The following SLC25A42 variants were observed in gnomAD, a reference collection of about 807,000 sequenced individuals.
SLC25A42 encodes mitochondrial coenzyme A transporter SLC25A42.
Under a neutral mutation model 34.7 loss-of-function variants are expected in SLC25A42, and 19 were observed. That is an observed-to-expected ratio of 0.55 (90% confidence interval 0.38 to 0.80). The LOEUF is 0.80. Ranked by LOEUF, SLC25A42 falls within the 30% of genes least tolerant of loss-of-function variation. The probability of loss-of-function intolerance (pLI) is 0.00; values close to 1 mark genes in which losing one functional copy is unlikely to be tolerated. For missense variants in SLC25A42, 364 were observed against 441.3 expected, an observed-to-expected ratio of 0.82 and a Z score of 1.57; for synonymous variants, 205 against 191.2, an observed-to-expected ratio of 1.07 and a Z score of -0.59.
At chr19:19,086,665 T>C (rs1456454151) in intron 1 of SLC25A42, among the ~76,000 whole-genome samples, 2 of 151,700 alleles carry the variant, frequency 1.3e-5, no homozygotes, top group Non-Finnish European at 2.9e-5. Context: ...TTTTGAGACA[T>C]AGTCTTGCTC....
Position 19,109,409 on chromosome 19 carries a change from G to C in SLC25A42, c.650-1160G>C, listed in dbSNP as rs577183487. Among the ~76,000 whole-genome samples the C allele has an allele frequency of 6.6e-6, 1 of 152,304 alleles. No individual in the cohort carries two copies. Among genetic ancestry groups the C allele is most frequent in the Non-Finnish European group, 1.5e-5 (1 of 68,022 alleles). On this transcript the variant is annotated intron_variant, in intron 7 of 7. Coordinates refer to ENST00000318596, the MANE Select transcript of SLC25A42 (RefSeq NM_178526.5). The surrounding 1 kb of genome is among the most constrained non-coding windows in gnomAD (Gnocchi z 4.1). Reference sequence around the variant, plus strand: ...TCAGACCCCTTGTTTTTGCCCACCTGGTGAGCAGATCACAGTGTCTCCTGT... The same window carrying C: ...TCAGACCCCTTGTTTTTGCCCACCTCGTGAGCAGATCACAGTGTCTCCTGT...
In SLC25A42 at chr19:19,109,720, A is replaced by G. The variant is rs2059852551; in HGVS notation, c.650-849A>G. On this transcript the variant is annotated intron_variant, in intron 7 of 7. Transcript: ENST00000318596. The surrounding 1 kb of genome is among the most constrained non-coding windows in gnomAD (Gnocchi z 4.1). ...AGTGCTGAGATTACAGGCGTGAGTC[A>G]CTGCACCCAGCCTTGGCTGTTTTAA... 6.6e-6 allele frequency among the ~76,000 whole-genome samples: 1 copy of G among 152,182 alleles called. No homozygotes were observed. Among genetic ancestry groups the G allele is most frequent in the Admixed American group, 6.5e-5 (1 of 15,268 alleles).
intron 1 of SLC25A42, among the ~76,000 whole-genome samples, chr19:19,077,047 G>T (rs946442849): frequency 1.3e-5 from 2 of 152,142 alleles, no homozygotes; most frequent in African/African-American, 4.8e-5. Context: ...AGCTGCGCAT[G>T]GTGGCCCACA....
At chr19:19,102,260 C>T (rs919983053) in intron 3 of SLC25A42, among the ~76,000 whole-genome samples, 10 of 151,884 alleles carry the variant, frequency 6.6e-5, no homozygotes, top group Non-Finnish European at 1.0e-4. Flanking sequence ...CCGCCCGCCT[C>T]GGCCTCCCAA....
At chr19:19,084,390 A>G (rs2059696700) in intron 1 of SLC25A42, among the ~76,000 whole-genome samples, 1 of 152,138 alleles carries the variant, frequency 6.6e-6, no homozygotes, top group Non-Finnish European at 1.5e-5. Flanking sequence ...TTCCCTCCCC[A>G]AACCCGCTTC....
intron 1 of SLC25A42, among the ~76,000 whole-genome samples, chr19:19,092,066 T>C (rs2059740867): frequency 6.6e-6 from 1 of 152,134 alleles, no homozygotes; most frequent in African/African-American, 2.4e-5. Flanking sequence ...TCTTGTGCTG[T>C]GGGATCATGC....
At chr19:19,075,633 C>T (rs1398767453) in intron 1 of SLC25A42, among the ~76,000 whole-genome samples, 1 of 152,190 alleles carries the variant, frequency 6.6e-6, no homozygotes, top group East Asian at 1.9e-4. Flanking sequence ...GTACCTACCC[C>T]AGCACAGCAT....
intron 2 of SLC25A42, among the ~76,000 whole-genome samples, chr19:19,098,392 G>C (rs1321746585): frequency 2.6e-5 from 4 of 152,208 alleles, no homozygotes; most frequent in Non-Finnish European, 2.9e-5. Context: ...GAACCCAGGA[G>C]TTTGAGAACA....
chr19:19,105,866 A>G lies in SLC25A42; in HGVS notation c.380+139A>G, dbSNP rs1030620937. ...CCTCTTCCCACAACGAAACACTGGG[A>G]GACTCCTCACCCAGGCCCTCCTGAG... On this transcript the variant is annotated intron_variant, in intron 5 of 7. Transcript: ENST00000318596. The G allele has an allele frequency of 1.9e-5, 14 of 743,958 alleles. No individual in the cohort carries two copies. The African/African-American group carries it at 2.5e-4, about 14-fold the overall frequency. 46.1% of individuals were successfully genotyped at this position (743,958 alleles called of 1,614,324 possible).
chr19:19,107,233 C>G (rs1371204542), intron 6 of SLC25A42, among the ~76,000 whole-genome samples: 1 of 149,392 alleles, frequency 6.7e-6, no homozygotes, highest in Non-Finnish European at 1.5e-5. Flanking sequence ...AGGAGGATTG[C>G]TTGAGTCTCG....
intron 3 of SLC25A42, among the ~76,000 whole-genome samples, chr19:19,104,664 G>A (rs943405880): frequency 6.6e-6 from 1 of 152,308 alleles, no homozygotes; most frequent in Admixed American, 6.5e-5. Context: ...CTTCCCTGCA[G>A]GGGTTTGGGT....
intron 1 of SLC25A42, chr19:19,095,869 T>G (rs1230598690): frequency 1.2e-5 from 7 of 577,236 alleles, no homozygotes; most frequent in Non-Finnish European, 1.6e-5. Flanking sequence ...GGCACCAGAT[T>G]TGGAAAAAGA....
At chr19:19,104,250 GGTGTT>G (rs1366710670) in intron 3 of SLC25A42, among the ~76,000 whole-genome samples, 1 of 152,166 alleles carries the variant, frequency 6.6e-6, no homozygotes, top group Non-Finnish European at 1.5e-5. Context: ...GCAGGTGCAG[GGTGTT>G]GTGTTCTGCA....
intron 1 of SLC25A42, among the ~76,000 whole-genome samples, chr19:19,088,454 C>T (rs188000458): frequency 4.6e-5 from 7 of 152,134 alleles, no homozygotes; most frequent in African/African-American, 7.2e-5. Flanking sequence ...GATCTGCCTG[C>T]GTCGGCCTCC....
Position 19,106,290 on chromosome 19 carries a change from C to T in SLC25A42, c.402C>T (p.Arg134=). Residue 134 remains arginine (R), a synonymous_variant, in exon 6 of 8, where the codon CGC becomes CGT. Coordinates refer to ENST00000318596, the MANE Select transcript of SLC25A42 (RefSeq NM_178526.5). ...FRGEALPPWP[R]LFAGALAGTT... is the part of the protein sequence containing the mutation. ...TCAGAGCCCTGCCCCCTTGGCCTCG[C>T]CTCTTCGCCGGCGCACTGGCTGGAA... 1 of 1,612,796 alleles carries T rather than the reference C, an allele frequency of 6.2e-7. No homozygotes were observed. The highest frequency in any genetic ancestry group is 2.2e-5 in the East Asian group (1 of 44,866).
intron 2 of SLC25A42, among the ~76,000 whole-genome samples, chr19:19,099,158 G>T (rs1053509357): frequency 6.6e-6 from 1 of 152,168 alleles, no homozygotes; most frequent in Admixed American, 6.5e-5. Context: ...AATTCTCAAA[G>T]CTCATGGAAC....
chr19:19,105,496 TCA>T (rs2059821075), intron 4 of SLC25A42, 63 bp from the exon 5 acceptor site: 2 of 1,562,384 alleles, frequency 1.3e-6, no homozygotes, highest in African/African-American at 1.4e-5. Flanking sequence ...GCTCTGCTGG[TCA>T]CAGAGGCCCG....
chr19:19,110,458 T>C, intron 7 of SLC25A42, 111 bp from the exon 8 acceptor site: 1 of 809,772 alleles, frequency 1.2e-6, no homozygotes, highest in South Asian at 2.6e-5. Flanking sequence ...TGCAAGTGCA[T>C]GTGTGTATGT....
intron 1 of SLC25A42, among the ~76,000 whole-genome samples, chr19:19,078,698 G>T (rs1001394727): frequency 6.6e-6 from 1 of 152,200 alleles, no homozygotes; most frequent in Non-Finnish European, 1.5e-5. Flanking sequence ...GGAGACCCAA[G>T]GTCATGAACA....
Sources: allele counts gnomAD v4.1 joint callset (sites outside exome capture counted in the v4.1 genomes callset), GRCh38; gene constraint gnomAD v4.1.1; non-coding constraint Gnocchi (gnomAD v3.1); transcripts MANE v1.5; gene names NCBI Gene and HGNC (gene_info 2026-07-23, HGNC 2026-07-21).